The following RNF214 variants were observed in gnomAD, a reference collection of about 807,000 sequenced individuals.
RNF214 encodes ring finger protein 214.
Under a neutral mutation model 75.9 loss-of-function variants are expected in RNF214, and 25 were observed. That is an observed-to-expected ratio of 0.33 (90% CI 0.24 to 0.46). The LOEUF is 0.46. Among genes scored for constraint, RNF214 ranks in the 20% least tolerant of loss-of-function variants. The probability of loss-of-function intolerance (pLI) is 1.00; values close to 1 mark genes in which losing one functional copy is unlikely to be tolerated. For missense variants in RNF214, 725 were observed against 857.5 expected (o/e 0.85, Z 1.93); for synonymous variants, 314 against 308.8 (o/e 1.02, Z -0.18).
chr11:117,246,855 C>T lies in RNF214; in HGVS notation c.866C>T (p.Thr289Ile), dbSNP rs770548546. 1.9e-6 allele frequency: 3 copies of T among 1,611,004 alleles called. No individual in the cohort carries two copies. The change falls in exon 6 of 15, where the codon ACA (threonine) becomes ATA (isoleucine). Residue 289 changes from threonine to isoleucine, a missense_variant. Physicochemically the swap from Thr to Ile is moderately conservative, Grantham distance 89. This residue lies in a region of RNF214 where 362 missense variants were observed against 344.5 expected (regional missense o/e 1.05). Coordinates refer to ENST00000300650, the MANE Select transcript of RNF214 (RefSeq NM_207343.4). ...IQDVTIKREE[T>I]KKKIEKEKKE... Reference sequence around the variant, plus strand: ...GATGTGACAATAAAGCGGGAAGAAACAAAGAAGAAGATAGAGAAAGAGAAG... The same window carrying T: ...GATGTGACAATAAAGCGGGAAGAAATAAAGAAGAAGATAGAGAAAGAGAAG...
intron 1 of RNF214, among the ~76,000 whole-genome samples, chr11:117,233,513 C>T (rs898772206): frequency 9.9e-5 from 15 of 152,210 alleles, no homozygotes; most frequent in African/African-American, 3.1e-4. Flanking sequence ...TTTTGATTTT[C>T]TTTTCTCCTC....
At chr11:117,266,816 A>G (rs181748749) in intron 6 of RNF214, among the ~76,000 whole-genome samples, 41 of 143,246 alleles carry the variant, frequency 2.9e-4, no homozygotes, top group Admixed American at 1.4e-3. Context: ...TTTTTGTTCT[A>G]TTTCTCATAT....
In RNF214 at chr11:117,282,758, A is replaced by T. The variant is rs1190719761; in HGVS notation, c.1858A>T (p.Ile620Phe). Residue 620 changes from isoleucine to phenylalanine, a missense_variant, in exon 13 of 15, where the codon ATC becomes TTC. Around this residue, in one of 2 missense-constraint regions of RNF214, gnomAD observed 363 missense variants for 513.0 expected, o/e 0.71. Transcript: ENST00000300650. ...TTTCTACCTACAGCCACTTGGTCGC[A>T]TCCGGGCCTTGTTCCCTGCTCCACT... ...VAASTQPLGR[I>F]RALFPAPLAQ... The T allele has an allele frequency of 4.3e-6, 7 of 1,614,130 alleles. No individual in the cohort carries two copies. Among genetic ancestry groups the T allele is most frequent in the Non-Finnish European group, 5.9e-6 (7 of 1,179,978 alleles).
intron 6 of RNF214, among the ~76,000 whole-genome samples, chr11:117,260,256 G>C (rs112374985): frequency 6.6e-6 from 1 of 152,122 alleles, no homozygotes; most frequent in Non-Finnish European, 1.5e-5. Context: ...AGCCTCCCAA[G>C]TAGCTGGGAC....
intron 6 of RNF214, among the ~76,000 whole-genome samples, chr11:117,269,280 C>G (rs577696858): frequency 6.6e-6 from 1 of 152,254 alleles, no homozygotes; most frequent in African/African-American, 2.4e-5. Context: ...TGAACCTAAA[C>G]AACAATGGCC....
At chr11:117,262,932 G>T (rs2033701995) in intron 6 of RNF214, among the ~76,000 whole-genome samples, 1 of 151,988 alleles carries the variant, frequency 6.6e-6, no homozygotes, top group African/African-American at 2.4e-5. Flanking sequence ...TCAGCCTCGT[G>T]AGAAGCTGTG....
intron 6 of RNF214, among the ~76,000 whole-genome samples, chr11:117,258,876 C>T (rs931373770): frequency 2.6e-5 from 4 of 152,182 alleles, no homozygotes; most frequent in Non-Finnish European, 5.9e-5. Flanking sequence ...ACAGTGTACT[C>T]TTTTGTATCA....
chr11:117,279,770 ATAAG>A, intron 6 of RNF214, 134 bp from the exon 7 acceptor site: 1 of 572,280 alleles, frequency 1.7e-6, no homozygotes, highest in African/African-American at 1.9e-5. Flanking sequence ...AGAAAGAAAA[ATAAG>A]TATAGTTAAT....
chr11:117,233,605 G>C (rs1231682437), intron 1 of RNF214, among the ~76,000 whole-genome samples: 2 of 152,176 alleles, frequency 1.3e-5, no homozygotes, highest in Non-Finnish European at 2.9e-5. Context: ...TCCCTTACTT[G>C]TGTTACCATG....
At chr11:117,266,351 T>G (rs2033796576) in intron 6 of RNF214, among the ~76,000 whole-genome samples, 1 of 152,070 alleles carries the variant, frequency 6.6e-6, no homozygotes, top group African/African-American at 2.4e-5. Flanking sequence ...CTTATGAAAT[T>G]TTCTTTCTTT....
intron 6 of RNF214, among the ~76,000 whole-genome samples, chr11:117,252,624 G>A (rs1030117127): frequency 2.6e-5 from 4 of 151,960 alleles, no homozygotes; most frequent in Admixed American, 6.6e-5. Context: ...GGATTCAAGC[G>A]ATTCTCCTGC....
At position 117,234,323 on chromosome 11, in the gene RNF214, G is replaced by A. The variant is rs746713725; in HGVS notation, c.51G>A (p.Pro17=). ...AGVVANAPSP[P]ESSSLCASKS... ...TTGTGGCCAATGCCCCCAGTCCTCC[G>A]GAATCTTCTAGTTTATGTGCTTCCA... Residue 17 remains proline (P), a synonymous_variant, in exon 2 of 15, where the codon CCG becomes CCA. Coordinates refer to ENST00000300650, the MANE Select transcript of RNF214 (RefSeq NM_207343.4). 1.4e-5 allele frequency: 23 copies of A among 1,614,172 alleles called. No homozygotes were observed. The highest frequency in any genetic ancestry group is 5.3e-5 in the African/African-American group (4 of 75,048).
Position 117,246,814 on chromosome 11 carries a change from A to G in RNF214, c.825A>G (p.Ile275Met), listed in dbSNP as rs768631202. The stretch of plus-strand genomic sequence containing the variant: ...TGTAATTGTGTGGAACTCAGGAGAT[A>G]TTAAAGGCTATTCAGGATGTGACAA... ...REEEMKNHQE[I>M]LKAIQDVTIK... Residue 275 changes from isoleucine (I) to methionine (M), a missense_variant, in exon 6 of 15, where the codon ATA (isoleucine) becomes ATG (methionine). By Grantham distance (10) the Ile-to-Met change is conservative. Around this residue, in one of 2 missense-constraint regions of RNF214, gnomAD observed 362 missense variants for 344.5 expected, o/e 1.05. Coordinates refer to ENST00000300650, the MANE Select transcript of RNF214 (RefSeq NM_207343.4). The G allele has an allele frequency of 1.3e-6, 2 of 1,592,346 alleles. No homozygotes were observed. The highest frequency in any genetic ancestry group is 2.2e-5 in the East Asian group (1 of 44,740).
At chr11:117,257,251 G>T (rs1158877756) in intron 6 of RNF214, among the ~76,000 whole-genome samples, 1 of 152,086 alleles carries the variant, frequency 6.6e-6, no homozygotes, top group African/African-American at 2.4e-5. Context: ...TGGGAGGATT[G>T]CTTGAGCTCA....
intron 6 of RNF214, among the ~76,000 whole-genome samples, chr11:117,279,693 A>G (rs2034088708): frequency 6.6e-6 from 1 of 152,180 alleles, no homozygotes; most frequent in Non-Finnish European, 1.5e-5. Flanking sequence ...CACTGTAAAC[A>G]TTATTTGTCT....
intron 6 of RNF214, among the ~76,000 whole-genome samples, chr11:117,276,494 A>G (rs115789775): frequency 1.7e-3 from 263 of 152,262 alleles, no homozygotes; most frequent in African/African-American, 6.0e-3. Context: ...TTATAGTCCT[A>G]GTTACTCAGG....
chr11:117,238,023 A>C (rs946805324), intron 2 of RNF214, among the ~76,000 whole-genome samples: 1 of 152,264 alleles, frequency 6.6e-6, no homozygotes, highest in South Asian at 2.1e-4. Context: ...TCTAACTAGT[A>C]TTAGGCTAAT....
At position 117,282,344 on chromosome 11, in the gene RNF214, A is replaced by G. The variant is rs78366899; in HGVS notation, c.1713-60A>G. On this transcript the variant is annotated intron_variant, in intron 11 of 14. Coordinates refer to ENST00000300650, the MANE Select transcript of RNF214 (RefSeq NM_207343.4). ...TATGGGTTAAAACAGAGGAGGTTAC[A>G]TGGGTGTTCCCCGTGGGTATAGCAT... The G allele has an allele frequency of 0.014, 22,371 of 1,598,230 alleles. 192 individuals are homozygous for G. The highest frequency in any genetic ancestry group is 0.017 in the Non-Finnish European group (19,798 of 1,170,256).
intron 6 of RNF214, among the ~76,000 whole-genome samples, chr11:117,276,867 A>G (rs1352352575): frequency 2.6e-5 from 4 of 152,246 alleles, no homozygotes; most frequent in Non-Finnish European, 4.4e-5. Flanking sequence ...GGCAACTGTC[A>G]TGTTTTCTTA....
Sources: allele counts gnomAD v4.1 joint callset (sites outside exome capture counted in the v4.1 genomes callset), GRCh38; gene constraint gnomAD v4.1.1; regional missense constraint gnomAD v4.1.1; transcripts MANE v1.5; gene names NCBI Gene and HGNC (gene_info 2026-07-23, HGNC 2026-07-21).